FANCA: variants seen among roughly 807,000 people sequenced by gnomAD.
FANCA encodes Fanconi anemia group A protein.
Under a neutral mutation model 194.3 loss-of-function variants are expected in FANCA, and 236 were observed. The ratio of observed to expected loss-of-function variants is 1.21; its 90% CI spans 1.09 to 1.35. The LOEUF is 1.35. FANCA is among the 40% of genes most tolerant of loss of function. The pLI, the probability that FANCA is intolerant of heterozygous loss-of-function variation, is 0.00. For synonymous variants in FANCA, 1,014 were observed against 715.8 expected (o/e 1.42, Z -6.65); for missense variants, 2,628 against 1,813.9 (o/e 1.45, Z -8.15).
chr16:89,739,870 C>G, intron 39 of FANCA, 124 bp downstream of exon 39: 2 of 1,546,638 alleles, frequency 1.3e-6, no homozygotes, highest in Non-Finnish European at 1.7e-6. Flanking sequence ...TCTGTCCCAA[C>G]TAAAATGGAG....
chr16:89,760,397 G>A (rs929771592), intron 29 of FANCA, among the ~76,000 whole-genome samples: 1 of 152,210 alleles, frequency 6.6e-6, no homozygotes, highest in Admixed American at 6.5e-5. Context: ...CAGGATCCAG[G>A]TGCAGGCGAC....
In FANCA at chr16:89,762,001, G is replaced by T. The variant is rs774871582; in HGVS notation, c.2800C>A (p.His934Asn). Residue 934 changes from histidine to asparagine, a missense_variant, in exon 29 of 43, where the codon CAC becomes AAC. Transcript: ENST00000389301. ...DVHLTYQDWL[H>N]LELEIQPEAD... ...TCAGGTTGAATTTCCAGCTCCAGGT[G>T]TAACCAGTCTTGGTAAGTTAACTGA... is the stretch of plus-strand genomic sequence containing the variant. The T allele has an allele frequency of 4.2e-5, 67 of 1,613,816 alleles. No homozygotes were observed. The highest frequency in any genetic ancestry group is 5.5e-5 in the Non-Finnish European group (65 of 1,179,824).
intron 8 of FANCA, among the ~76,000 whole-genome samples, chr16:89,801,845 G>A (rs753462310): frequency 2.0e-4 from 31 of 151,826 alleles, no homozygotes; most frequent in Middle Eastern, 6.8e-3. Context: ...CCGAAATCGC[G>A]CCACTGCACT....
At chr16:89,783,237 G>C in intron 15 of FANCA, 135 bp from the exon 16 acceptor site, 1 of 727,730 alleles carries the variant, frequency 1.4e-6, no homozygotes, top group South Asian at 1.5e-5. Flanking sequence ...TTATGAGTAT[G>C]CAAAGCAAAC....
chr16:89,781,016 A>G (rs1275260124), intron 17 of FANCA, among the ~76,000 whole-genome samples: 3 of 152,096 alleles, frequency 2.0e-5, no homozygotes, highest in South Asian at 2.1e-4. Context: ...CTTTAATGTC[A>G]CCTATAAGTG....
intron 10 of FANCA, chr16:89,798,536 T>C: frequency 1.8e-6 from 2 of 1,110,630 alleles, no homozygotes; most frequent in Non-Finnish European, 2.2e-6. Context: ...AAGACTTCAC[T>C]TCAAGGTCCC....
intron 33 of FANCA, among the ~76,000 whole-genome samples, chr16:89,747,621 C>T (rs892783125): frequency 3.9e-5 from 6 of 152,106 alleles, no homozygotes; most frequent in African/African-American, 1.2e-4. Flanking sequence ...ATCGCTTGAA[C>T]CTGGGAGGCG....
intron 26 of FANCA, among the ~76,000 whole-genome samples, chr16:89,767,471 G>A (rs985024244): frequency 3.3e-5 from 5 of 152,144 alleles, no homozygotes; most frequent in Admixed American, 1.3e-4. Flanking sequence ...GGGTTCAAGC[G>A]AGTCTCCTGC....
At chr16:89,748,532 C>T in intron 33 of FANCA, 127 bp downstream of exon 33, 1 of 792,468 alleles carries the variant, frequency 1.3e-6, no homozygotes, top group Non-Finnish European at 2.1e-6. Flanking sequence ...GACACTGTTC[C>T]CTATTTGACT....
chr16:89,799,035 C>T (rs1384674891), intron 10 of FANCA, 131 bp downstream of exon 10: 2 of 1,614,258 alleles, frequency 1.2e-6, no homozygotes, highest in South Asian at 2.2e-5. Context: ...CGCACGTTAT[C>T]GTAACTGGCA....
chr16:89,796,067 C>T (rs370128839), intron 10 of FANCA, 49 bp from the exon 11 acceptor site: 66 of 1,372,418 alleles, frequency 4.8e-5, no homozygotes, highest in Admixed American at 2.0e-4. Context: ...GTGCCTTGCA[C>T]GCCACCCACC....
chr16:89,751,373 A>C (rs2038584176), intron 31 of FANCA, among the ~76,000 whole-genome samples: 2 of 152,146 alleles, frequency 1.3e-5, no homozygotes, highest in South Asian at 4.1e-4. Context: ...ACACAGGTGC[A>C]CGCTGTCAGG....
intron 28 of FANCA, among the ~76,000 whole-genome samples, chr16:89,763,421 A>ACCTTGTGATTCGCC (rs78379391): frequency 6.6e-6 from 1 of 151,858 alleles, no homozygotes; most frequent in Non-Finnish European, 1.5e-5. Context: ...CAATCTCCTG[A>ACCTTGTGATTCGCC]CATCTCAGCC....
chr16:89,769,716 T>G, intron 26 of FANCA, 121 bp downstream of exon 26: 3 of 1,136,658 alleles, frequency 2.6e-6, no homozygotes, highest in Non-Finnish European at 3.9e-6. Flanking sequence ...ACCAAAATGC[T>G]AAAAAGTGGT....
intron 33 of FANCA, among the ~76,000 whole-genome samples, chr16:89,748,159 C>A (rs1477700065): frequency 6.6e-6 from 1 of 152,218 alleles, no homozygotes. Context: ...TGATCCCCCA[C>A]CTTTCCAGAG....
At position 89,737,766 on chromosome 16, in the gene FANCA, A is replaced by C; in HGVS notation, c.*835T>G. The C allele has an allele frequency of 6.2e-7, 1 of 1,611,540 alleles. No individual in the cohort carries two copies. The highest frequency in any genetic ancestry group is 8.5e-7 in the Non-Finnish European group (1 of 1,177,982). On this transcript the variant is annotated 3_prime_UTR_variant, in exon 43 of 43. Coordinates refer to ENST00000389301, the MANE Select transcript of FANCA (RefSeq NM_000135.4). Reference sequence around the variant, plus strand: ...CATCGTCGTCCCCCCGGGAGGTTGGAGCATCAGGGGCCTGGACTCACTGGA... The same window carrying C: ...CATCGTCGTCCCCCCGGGAGGTTGGCGCATCAGGGGCCTGGACTCACTGGA...
At position 89,746,963 on chromosome 16, in the gene FANCA, T is replaced by C. The variant is rs898959974; in HGVS notation, c.3349-73A>G. The C allele has an allele frequency of 1.8e-5, 25 of 1,371,290 alleles. No homozygotes were observed. The African/African-American group carries it at 3.2e-4, about 17-fold the overall frequency. The allele number at this position is 1,371,290 out of a possible 1,614,324, so 84.9% of individuals were successfully genotyped here. ...CGAGACCAACATGCAGAGTGGCTGC[T>C]GTGGATTCAGTTTTGAGAAAAACAC... On this transcript the variant is annotated intron_variant, in intron 33 of 42. Transcript: ENST00000389301.
At chr16:89,791,813 G>C in intron 13 of FANCA, 114 bp downstream of exon 13, 4 of 1,366,920 alleles carry the variant, frequency 2.9e-6, no homozygotes, top group East Asian at 2.3e-5. Flanking sequence ...TGCAGGTTCC[G>C]GGCAGGTAGG....
At chr16:89,808,418 A>C (rs754229273) in intron 5 of FANCA, 51 bp from the exon 6 acceptor site, 1 of 1,566,340 alleles carries the variant, frequency 6.4e-7, no homozygotes, top group Admixed American at 1.7e-5. Flanking sequence ...AACCCCCAGC[A>C]TTCTGAGTCC....
Sources: allele counts gnomAD v4.1 joint callset (sites outside exome capture counted in the v4.1 genomes callset), GRCh38; gene constraint gnomAD v4.1.1; transcripts MANE v1.5; gene names NCBI Gene and HGNC (gene_info 2026-07-23, HGNC 2026-07-21).